Variants in RABGAP1L observed in about 807,000 individuals in gnomAD.
RABGAP1L encodes the protein rab GTPase-activating protein 1-like.
Under a neutral mutation model 137.7 loss-of-function variants are expected in RABGAP1L, and 63 were observed. The observed-to-expected ratio is 0.46, with a 90% CI of 0.37 to 0.56. The LOEUF is 0.56. RABGAP1L is among the 20% of genes least tolerant of loss of function. The probability of loss-of-function intolerance (pLI) is 0.00; values close to 1 mark genes in which losing one functional copy is unlikely to be tolerated. For synonymous variants in RABGAP1L, 431 were observed against 433.7 expected, an observed-to-expected ratio of 0.99 and a Z score of 0.08; for missense variants, 1,095 against 1,244.0, an observed-to-expected ratio of 0.88 and a Z score of 1.80.
chr1:174,327,998 T>TACATAC (rs1558136354), intron 11 of RABGAP1L, among the ~76,000 whole-genome samples: 3 of 90,142 alleles, frequency 3.3e-5, no homozygotes, highest in African/African-American at 1.0e-4. Context: ...TATATATATA[T>TACATAC]ATATATATAT....
At chr1:174,385,952 G>C (rs1686730486) in intron 12 of RABGAP1L, among the ~76,000 whole-genome samples, 2 of 152,154 alleles carry the variant, frequency 1.3e-5, no homozygotes, top group African/African-American at 4.8e-5. Flanking sequence ...GATGTGGGTT[G>C]AGAGTTTTTT....
At chr1:174,533,306 TTGTC>T (rs1413198142) in intron 13 of RABGAP1L, among the ~76,000 whole-genome samples, 1 of 152,216 alleles carries the variant, frequency 6.6e-6, no homozygotes, top group Non-Finnish European at 1.5e-5. Context: ...CTCTTCGTCT[TTGTC>T]TGAAGGTAAC....
At chr1:174,201,967 C>A (rs1319760388) in intron 1 of RABGAP1L, among the ~76,000 whole-genome samples, 1 of 152,018 alleles carries the variant, frequency 6.6e-6, no homozygotes, top group Non-Finnish European at 1.5e-5. Flanking sequence ...CATGTCCCTA[C>A]AAAGGACATG....
chr1:174,350,948 C>G (rs1221546349), intron 11 of RABGAP1L, among the ~76,000 whole-genome samples: 6 of 112,928 alleles, frequency 5.3e-5, no homozygotes, highest in Non-Finnish European at 1.1e-4. Flanking sequence ...GGCGTGGCGG[C>G]GCGTGCCTGC....
chr1:174,198,009 G>A (rs1364183020), intron 1 of RABGAP1L, among the ~76,000 whole-genome samples: 1 of 152,104 alleles, frequency 6.6e-6, no homozygotes, highest in Non-Finnish European at 1.5e-5. Flanking sequence ...AGATTACATA[G>A]CATACTCCTC....
At chr1:174,501,954 C>T (rs997925824) in intron 13 of RABGAP1L, among the ~76,000 whole-genome samples, 13 of 151,034 alleles carry the variant, frequency 8.6e-5, no homozygotes, top group Admixed American at 2.6e-4. Context: ...CCTAGGTTTA[C>T]GGGTTTCTTT....
intron 10 of RABGAP1L, among the ~76,000 whole-genome samples, chr1:174,296,402 A>G (rs1677133907): frequency 6.6e-6 from 1 of 152,192 alleles, no homozygotes; most frequent in Non-Finnish European, 1.5e-5. Flanking sequence ...CTCTTCTTGT[A>G]CTTTTCCTGA....
chr1:174,681,392 C>A (rs565310367), intron 14 of RABGAP1L, among the ~76,000 whole-genome samples: 1 of 152,290 alleles, frequency 6.6e-6, no homozygotes, highest in South Asian at 2.1e-4. Context: ...CCGATGCACA[C>A]AACAACATGA....
chr1:174,314,513 C>G (rs891615286), intron 11 of RABGAP1L, among the ~76,000 whole-genome samples: 1 of 152,032 alleles, frequency 6.6e-6, no homozygotes, highest in Non-Finnish European at 1.5e-5. Flanking sequence ...GTTCTCTGAT[C>G]TTTATTAGCT....
chr1:174,802,232 A>C (rs765306863), intron 18 of RABGAP1L, among the ~76,000 whole-genome samples: 31 of 152,198 alleles, frequency 2.0e-4, no homozygotes, highest in Non-Finnish European at 3.1e-4. Context: ...GAAGTAGTGC[A>C]TCTCTCAGGT....
intron 13 of RABGAP1L, among the ~76,000 whole-genome samples, chr1:174,532,468 A>G (rs566340579): frequency 5.5e-4 from 83 of 152,208 alleles, no homozygotes; most frequent in African/African-American, 1.9e-3. Context: ...CGGCCTTCCA[A>G]AGTGCTGGGA....
intron 19 of RABGAP1L, among the ~76,000 whole-genome samples, chr1:174,819,494 A>G (rs1214776329): frequency 6.6e-6 from 1 of 152,192 alleles, no homozygotes; most frequent in African/African-American, 2.4e-5. Context: ...TCACCTTAAT[A>G]AATGTATACT....
intron 12 of RABGAP1L, among the ~76,000 whole-genome samples, chr1:174,384,017 GCAA>G (rs1358463549): frequency 5.3e-5 from 8 of 152,126 alleles, no homozygotes; most frequent in African/African-American, 1.9e-4. Context: ...ACCCCAAACT[GCAA>G]ACAACCCAAA....
chr1:174,564,398 C>T (rs1424150832), intron 13 of RABGAP1L, among the ~76,000 whole-genome samples: 1 of 152,104 alleles, frequency 6.6e-6, no homozygotes, highest in Non-Finnish European at 1.5e-5. Flanking sequence ...GCTACTCTAC[C>T]AGGTGCTTTG....
intron 18 of RABGAP1L, among the ~76,000 whole-genome samples, chr1:174,808,159 T>C (rs1689505376): frequency 1.3e-5 from 2 of 151,744 alleles, no homozygotes. Context: ...AAAATTTTTT[T>C]TGTATTTTTA....
chr1:174,171,683 G>T (rs1325066831), intron 1 of RABGAP1L, among the ~76,000 whole-genome samples: 2 of 146,510 alleles, frequency 1.4e-5, no homozygotes, highest in African/African-American at 5.1e-5. Context: ...TCTTGTTTCT[G>T]CGTATTCAGC....
intron 1 of RABGAP1L, among the ~76,000 whole-genome samples, chr1:174,177,234 A>T (rs956981505): frequency 2.0e-5 from 3 of 152,190 alleles, no homozygotes; most frequent in Non-Finnish European, 2.9e-5. Flanking sequence ...ATGACCAGTG[A>T]TGATGAGCTT....
At chr1:174,650,647 G>C (rs1675397670) in intron 14 of RABGAP1L, among the ~76,000 whole-genome samples, 1 of 151,648 alleles carries the variant, frequency 6.6e-6, no homozygotes, top group African/African-American at 2.4e-5. Flanking sequence ...ATTCTCTGAT[G>C]GTAGTTTGTA....
At chr1:174,671,831 G>A (rs370568435) in intron 14 of RABGAP1L, among the ~76,000 whole-genome samples, 1 of 152,124 alleles carries the variant, frequency 6.6e-6, no homozygotes, top group Non-Finnish European at 1.5e-5. Flanking sequence ...AATGAGTTTG[G>A]AAGTAATTCT....
Sources: gnomAD v4.1 joint callset for allele counts (sites outside exome capture counted in the v4.1 genomes callset) on GRCh38, gnomAD v4.1.1 for gene constraint, MANE v1.5 for transcripts, NCBI Gene and HGNC (gene_info 2026-07-23, HGNC 2026-07-21) for gene names.